The following GPR157 variants were observed in gnomAD, a reference collection of about 807,000 sequenced individuals.
The protein encoded by GPR157 is G protein-coupled receptor 157.
GPR157 carries 16 observed loss-of-function variants against 23.5 expected under a neutral mutation model. That is an observed-to-expected ratio of 0.68 (90% CI 0.46 to 1.04). GPR157 has a LOEUF of 1.04. Ranked by LOEUF, GPR157 falls within the 50% of genes least tolerant of loss-of-function variation. The pLI is 0.00. For missense variants in GPR157, 440 were observed against 460.7 expected (o/e 0.96, Z 0.41); for synonymous variants, 200 against 221.5 (o/e 0.90, Z 0.86).
At chr1:9,123,426 A>G (rs1293528349) in intron 1 of GPR157, among the ~76,000 whole-genome samples, 1 of 112,314 alleles carries the variant, frequency 8.9e-6, no homozygotes, top group East Asian at 2.4e-4. Flanking sequence ...ATATTAAAAT[A>G]TATATATTTA....
intron 2 of GPR157, among the ~76,000 whole-genome samples, chr1:9,109,769 G>A (rs1638435165): frequency 6.6e-6 from 1 of 152,190 alleles, no homozygotes; most frequent in Non-Finnish European, 1.5e-5. Flanking sequence ...CAGAAGTGGG[G>A]TCTAGGGCGG....
intron 1 of GPR157, among the ~76,000 whole-genome samples, chr1:9,116,995 C>A (rs1638696150): frequency 6.6e-6 from 1 of 152,066 alleles, no homozygotes; most frequent in South Asian, 2.1e-4. Context: ...CTCGCCCTGG[C>A]CTCTCAAAGT....
intron 1 of GPR157, among the ~76,000 whole-genome samples, chr1:9,123,243 AATTT>A (rs796600817): frequency 0.2 from 4,011 of 19,994 alleles, 479 homozygotes; most frequent in African/African-American, 0.42. Flanking sequence ...AATATATATT[AATTT>A]AAATATATAT....
In GPR157 at chr1:9,128,747, A is replaced by G. The variant is rs999374177; in HGVS notation, c.281T>C (p.Phe94Ser). The change falls in exon 1 of 4, where the codon TTC becomes TCC. Residue 94 changes from phenylalanine (F) to serine (S), a missense_variant. By Grantham distance (155) the Phe-to-Ser change is radical. Transcript: ENST00000377411. This position sits in a 1 kb window ranked among gnomAD's most constrained non-coding sequence, Gnocchi z 6.3. ...GAGCGCAATGGCCACGGTCCAGAAG[A>G]AGGAGCTGGTGTTGGCGAAGGTGGA... Reference protein sequence around the residue: ...ALSTFANTSSFFWTVAIALYL... With the variant: ...ALSTFANTSSSFWTVAIALYL... 4.9e-5 allele frequency: 79 copies of G among 1,612,966 alleles called. No individual in the cohort carries two copies. Among genetic ancestry groups the G allele is most frequent in the Non-Finnish European group, 6.4e-5 (76 of 1,179,704 alleles).
At chr1:9,114,569 C>T (rs1345620769) in intron 1 of GPR157, among the ~76,000 whole-genome samples, 1 of 152,132 alleles carries the variant, frequency 6.6e-6, no homozygotes, top group Non-Finnish European at 1.5e-5. Flanking sequence ...CACAGCACTC[C>T]TTTGGGCTCC....
rs540048013 is a variant in GPR157, at chr1:9,114,351, C to T, written c.384-2862G>A. Among the ~76,000 whole-genome samples, 11 of 126,690 alleles carry T rather than the reference C, an allele frequency of 8.7e-5. 1 individual carries two copies. The highest frequency in any genetic ancestry group is 8.2e-4 in the Admixed American group (10 of 12,194). The allele number at this position is 126,690 out of a possible 152,430, so 83.1% of individuals were successfully genotyped here. ...CAAAAAAAAAAAAAAAAAAAGTAATCGGCTCTTCAAGTGCCACCACGCCAA... is the reference window on the plus strand; with the variant it reads ...CAAAAAAAAAAAAAAAAAAAGTAATTGGCTCTTCAAGTGCCACCACGCCAA... On this transcript the variant is annotated intron_variant, in intron 1 of 3. Coordinates refer to ENST00000377411, the MANE Select transcript of GPR157 (RefSeq NM_024980.5).
chr1:9,106,602 C>T (rs570402791), intron 2 of GPR157, among the ~76,000 whole-genome samples: 1 of 152,258 alleles, frequency 6.6e-6, no homozygotes, highest in African/African-American at 2.4e-5. Context: ...GTCCCCAGGG[C>T]TCCCCCCGGC....
chr1:9,123,117 C>T (rs1297104994), intron 1 of GPR157, among the ~76,000 whole-genome samples: 1 of 145,114 alleles, frequency 6.9e-6, no homozygotes, highest in African/African-American at 2.6e-5. Flanking sequence ...GAGATCGCAC[C>T]ATTGTACCCC....
chr1:9,105,619 G>A lies in GPR157; in HGVS notation c.659C>T (p.Ser220Phe). The change falls in exon 3 of 4, where the codon TCC becomes TTC. Residue 220 changes from serine to phenylalanine, a missense_variant. Coordinates refer to ENST00000377411, the MANE Select transcript of GPR157 (RefSeq NM_024980.5). This position sits in a 1 kb window ranked among gnomAD's most constrained non-coding sequence, Gnocchi z 4.8. ...LSQEHRLLRH[S>F]SMADKKLVLI... ...CACCAGCTTCTTGTCCGCCATGGAG[G>A]AGTGGCGCAGCAGGCGGTGCTCCTG... 1.2e-6 allele frequency: 2 copies of A among 1,612,938 alleles called. No homozygotes were observed. Among genetic ancestry groups the A allele is most frequent in the South Asian group, 1.1e-5 (1 of 90,606 alleles).
intron 1 of GPR157, among the ~76,000 whole-genome samples, chr1:9,116,889 A>G (rs534190239): frequency 6.6e-6 from 1 of 152,126 alleles, no homozygotes; most frequent in East Asian, 2.0e-4. Flanking sequence ...CTACAGACAC[A>G]TGCTACCATG....
rs897043457 is a variant in GPR157 at position 9,128,998 on chromosome 1, C to T, written c.30G>A (p.Leu10=). Residue 10 remains leucine, a synonymous_variant, in exon 1 of 4, where the codon CTG becomes CTA. Transcript: ENST00000377411. This position sits in a 1 kb window ranked among gnomAD's most constrained non-coding sequence, Gnocchi z 6.3. MQPSPPPTE[L]VPSERAVVLL... is the part of the protein sequence containing the mutation. The stretch of plus-strand genomic sequence containing the variant: ...GCACCACGGCGCGCTCCGACGGCAC[C>T]AGCTCGGTGGGCGGCGGGGACGGCT... The T allele has an allele frequency of 1.5e-6, 2 of 1,323,554 alleles. No individual in the cohort carries two copies. Among genetic ancestry groups the T allele is most frequent in the Admixed American group, 4.0e-5 (1 of 25,196 alleles). 82.0% of individuals were successfully genotyped at this position (1,323,554 alleles called of 1,614,324 possible).
At chr1:9,123,263 T>TATATATATTTAA (rs1368226963) in intron 1 of GPR157, among the ~76,000 whole-genome samples, 6 of 22,494 alleles carry the variant, frequency 2.7e-4, no homozygotes, top group Non-Finnish European at 4.4e-4. Flanking sequence ...TATATTTAAA[T>TATATATATTTAA]ATATATATTT....
intron 1 of GPR157, among the ~76,000 whole-genome samples, chr1:9,117,643 T>G (rs1186965492): frequency 6.6e-6 from 1 of 152,070 alleles, no homozygotes; most frequent in East Asian, 1.9e-4. Flanking sequence ...GCACCTGTAA[T>G]CCCAGCTACT....
At chr1:9,116,337 AATT>A (rs1638671717) in intron 1 of GPR157, among the ~76,000 whole-genome samples, 1 of 10,358 alleles carries the variant, frequency 9.7e-5, no homozygotes, top group African/African-American at 8.3e-4. Flanking sequence ...AATTATATAT[AATT>A]TATATATAAT....
rs1287610136 is a variant in GPR157 at position 9,120,015 on chromosome 1, A to C, written c.384-8526T>G. ...CCTTGGGAGTTCCCAGCGCTGCCCAACCGGGGATCTTCTGTTGTGTGGTTC... is the reference window on the plus strand; with the variant it reads ...CCTTGGGAGTTCCCAGCGCTGCCCACCCGGGGATCTTCTGTTGTGTGGTTC... On this transcript the variant is annotated intron_variant, in intron 1 of 3. Transcript: ENST00000377411. The surrounding 1 kb of genome is among the most constrained non-coding windows in gnomAD (Gnocchi z 4.1). Among the ~76,000 whole-genome samples the C allele has an allele frequency of 2.6e-5, 4 of 152,002 alleles. No homozygotes were observed. The highest frequency in any genetic ancestry group is 9.7e-5 in the African/African-American group (4 of 41,386).
At chr1:9,113,470 G>T (rs1263646519) in intron 1 of GPR157, among the ~76,000 whole-genome samples, 3 of 152,188 alleles carry the variant, frequency 2.0e-5, no homozygotes, top group African/African-American at 7.2e-5. Context: ...AAGGCCTCAT[G>T]CAGGATGCTT....
At chr1:9,108,235 G>T (rs1187649613) in intron 2 of GPR157, among the ~76,000 whole-genome samples, 2 of 152,054 alleles carry the variant, frequency 1.3e-5, no homozygotes, top group Non-Finnish European at 2.9e-5. Flanking sequence ...CCAATCTTCT[G>T]CAACTAACCT....
Position 9,129,076 on chromosome 1 carries a change from G to A in GPR157, c.-49C>T, listed in dbSNP as rs1457937568. Reference sequence around the variant, plus strand: ...GCGCCGCGAGGACAGAAGCCGGGCCGCGCGTGCGGCCACGCCGCCGCCGTC... The same window carrying A: ...GCGCCGCGAGGACAGAAGCCGGGCCACGCGTGCGGCCACGCCGCCGCCGTC... On this transcript the variant is annotated 5_prime_UTR_variant, in exon 1 of 4. Transcript: ENST00000377411. The A allele has an allele frequency of 8.2e-7, 1 of 1,213,094 alleles. No individual in the cohort carries two copies. Among genetic ancestry groups the A allele is most frequent in the Non-Finnish European group, 1.0e-6 (1 of 976,732 alleles). The allele number at this position is 1,213,094 out of a possible 1,614,324, so 75.1% of individuals were successfully genotyped here.
intron 1 of GPR157, among the ~76,000 whole-genome samples, chr1:9,113,696 C>A (rs1402313641): frequency 1.3e-5 from 2 of 151,524 alleles, no homozygotes; most frequent in Non-Finnish European, 2.9e-5. Flanking sequence ...GTAATCCCAA[C>A]ACTTTGGGAG....
Sources: gnomAD v4.1 joint callset for allele counts (sites outside exome capture counted in the v4.1 genomes callset) on GRCh38, gnomAD v4.1.1 for gene constraint, Gnocchi (gnomAD v3.1) non-coding constraint, MANE v1.5 for transcripts, NCBI Gene and HGNC (gene_info 2026-07-23, HGNC 2026-07-21) for gene names.